Variants in GRID1 observed in about 807,000 individuals in gnomAD.
GRID1 encodes the protein glutamate ionotropic receptor delta type subunit 1, also known as glutamate receptor ionotropic, delta-1.
GRID1 carries 28 observed loss-of-function variants against 98.0 expected under a neutral mutation model. The ratio of observed to expected loss-of-function variants is 0.29; its 90% CI spans 0.21 to 0.39. The LOEUF is 0.39. Among genes scored for constraint, GRID1 ranks in the 10% least tolerant of loss-of-function variants. The probability of loss-of-function intolerance (pLI) is 1.00; values close to 1 mark genes in which losing one functional copy is unlikely to be tolerated. For missense variants in GRID1, 1,111 were observed against 1,340.5 expected (o/e 0.83, Z 2.67); for synonymous variants, 553 against 538.5 (o/e 1.03, Z -0.37).
intron 8 of GRID1, among the ~76,000 whole-genome samples, chr10:85,758,533 C>T (rs1198978141): frequency 1.3e-5 from 2 of 152,180 alleles, no homozygotes; most frequent in African/African-American, 4.8e-5. Flanking sequence ...AAACTTTTTA[C>T]ATGGCATCTG....
At chr10:86,177,505 T>A (rs985604544) in intron 3 of GRID1, among the ~76,000 whole-genome samples, 2 of 151,758 alleles carry the variant, frequency 1.3e-5, no homozygotes, top group African/African-American at 4.8e-5. Flanking sequence ...CATGTGTGCA[T>A]GAGAGAGACA....
At chr10:86,254,158 C>G (rs761061222) in intron 2 of GRID1, among the ~76,000 whole-genome samples, 23 of 152,178 alleles carry the variant, frequency 1.5e-4, no homozygotes, top group Non-Finnish European at 2.9e-4. Flanking sequence ...AGGATAGCAA[C>G]CAACACTTTC....
chr10:85,819,134 C>T (rs781097096), intron 8 of GRID1, among the ~76,000 whole-genome samples: 9 of 152,038 alleles, frequency 5.9e-5, no homozygotes, highest in Non-Finnish European at 1.2e-4. Flanking sequence ...GAGTCAAATC[C>T]TCATTACGTA....
chr10:86,093,677 C>A (rs1420321495), intron 4 of GRID1, among the ~76,000 whole-genome samples: 1 of 152,002 alleles, frequency 6.6e-6, no homozygotes, highest in Non-Finnish European at 1.5e-5. Flanking sequence ...CTGAACAGAT[C>A]AACAACAAGC....
intron 4 of GRID1, among the ~76,000 whole-genome samples, chr10:86,058,658 A>G (rs1207051884): frequency 6.6e-6 from 1 of 152,216 alleles, no homozygotes; most frequent in Non-Finnish European, 1.5e-5. Context: ...AGGGGATTCA[A>G]GACCCAAGAA....
At chr10:85,783,609 A>G (rs1307609966) in intron 8 of GRID1, among the ~76,000 whole-genome samples, 1 of 152,206 alleles carries the variant, frequency 6.6e-6, no homozygotes, top group African/African-American at 2.4e-5. Context: ...ATACCTTTGT[A>G]GGAGCCAAGG....
At chr10:86,173,452 T>A (rs1418082519) in intron 3 of GRID1, among the ~76,000 whole-genome samples, 2 of 150,604 alleles carry the variant, frequency 1.3e-5, no homozygotes, top group African/African-American at 2.5e-5. Context: ...GTCACACACA[T>A]TTTTTTTTAT....
chr10:86,330,609 G>A (rs554741853), intron 2 of GRID1, among the ~76,000 whole-genome samples: 9 of 152,302 alleles, frequency 5.9e-5, no homozygotes, highest in African/African-American at 1.4e-4. Context: ...ATCAGGATCC[G>A]TCCCCACAGC....
intron 3 of GRID1, among the ~76,000 whole-genome samples, chr10:86,155,403 A>C (rs1381149998): frequency 6.6e-6 from 1 of 152,254 alleles, no homozygotes; most frequent in Non-Finnish European, 1.5e-5. Context: ...TTGCAAGAGC[A>C]ACTGAAAGGG....
chr10:85,791,181 G>A (rs1417509562), intron 8 of GRID1, among the ~76,000 whole-genome samples: 2 of 152,146 alleles, frequency 1.3e-5, no homozygotes, highest in Non-Finnish European at 2.9e-5. Flanking sequence ...GCCCACAGAC[G>A]ACGTGACTGA....
intron 8 of GRID1, among the ~76,000 whole-genome samples, chr10:85,824,898 A>T (rs1424792087): frequency 6.6e-6 from 1 of 152,248 alleles, no homozygotes; most frequent in Non-Finnish European, 1.5e-5. Context: ...TTTATGGCTC[A>T]GTAGTATGCC....
chr10:85,944,998 C>A (rs754640638), intron 4 of GRID1, among the ~76,000 whole-genome samples: 1 of 151,944 alleles, frequency 6.6e-6, no homozygotes, highest in Non-Finnish European at 1.5e-5. Flanking sequence ...TAATGGGTAC[C>A]CCAGCAGACT....
chr10:85,819,535 C>G (rs1842743767), intron 8 of GRID1, among the ~76,000 whole-genome samples: 1 of 152,186 alleles, frequency 6.6e-6, no homozygotes, highest in Non-Finnish European at 1.5e-5. Context: ...ATATGGATAT[C>G]ATGTATCCCC....
chr10:85,901,925 G>A (rs1841394727), intron 5 of GRID1, among the ~76,000 whole-genome samples: 1 of 152,194 alleles, frequency 6.6e-6, no homozygotes, highest in Non-Finnish European at 1.5e-5. Context: ...GGCTGAGAAA[G>A]AAGAATAGAT....
intron 8 of GRID1, among the ~76,000 whole-genome samples, chr10:85,775,846 C>T (rs867481002): frequency 7.9e-5 from 12 of 152,102 alleles, no homozygotes; most frequent in African/African-American, 2.9e-4. Context: ...GAAGTGAGGA[C>T]TAAACACAAA....
chr10:85,734,127 TA>T, intron 8 of GRID1, among the ~76,000 whole-genome samples: 1 of 152,236 alleles, frequency 6.6e-6, no homozygotes, highest in Middle Eastern at 3.4e-3. Flanking sequence ...GCTTTGGCTG[TA>T]AGGAATTTTG....
At chr10:85,646,722 G>A (rs912556442) in intron 13 of GRID1, 18 of 175,300 alleles carry the variant, frequency 1.0e-4, no homozygotes, top group Admixed American at 8.9e-4. Flanking sequence ...CTCACAGTAC[G>A]GCCCCAGAGA....
intron 3 of GRID1, among the ~76,000 whole-genome samples, chr10:86,144,867 G>A (rs972841196): frequency 1.3e-5 from 2 of 152,116 alleles, no homozygotes; most frequent in Admixed American, 1.3e-4. Context: ...CTGGACTGGC[G>A]GAGGCCTTTC....
At chr10:86,048,430 A>T (rs75562900) in intron 4 of GRID1, among the ~76,000 whole-genome samples, 10,827 of 152,264 alleles carry the variant, frequency 0.071, 463 homozygotes, top group African/African-American at 0.11. Context: ...AAACTCCAAT[A>T]CCTGCAATTT....
Sources: gnomAD v4.1 joint callset for allele counts (sites outside exome capture counted in the v4.1 genomes callset) on GRCh38, gnomAD v4.1.1 for gene constraint, MANE v1.5 for transcripts, NCBI Gene and HGNC (gene_info 2026-07-23, HGNC 2026-07-21) for gene names.